SLC24A2: variants seen among roughly 807,000 people sequenced by gnomAD.
The protein encoded by SLC24A2 is solute carrier family 24 member 2.
A neutral mutation model predicts 62.0 loss-of-function variants in SLC24A2; 36 were observed. The observed-to-expected ratio is 0.58, with a 90% CI of 0.44 to 0.77. SLC24A2 has a LOEUF of 0.77. Among genes scored for constraint, SLC24A2 ranks in the 30% least tolerant of loss-of-function variants. The probability of loss-of-function intolerance (pLI) is 0.00; values close to 1 mark genes in which losing one functional copy is unlikely to be tolerated. For synonymous variants in SLC24A2, 358 were observed against 294.0 expected (o/e 1.22, Z -2.23); for missense variants, 846 against 817.9 (o/e 1.03, Z -0.42).
At chr9:20,296,229 C>T in the SLC24A2 span, among the ~76,000 whole-genome samples, 17 of 152,310 alleles carry the variant, frequency 1.1e-4, no homozygotes, top group African/African-American at 3.6e-4. Context: ...AAAAGTGCAG[C>T]GAGTGTTTCC....
At chr9:19,898,741 C>CAAAA in the SLC24A2 span, among the ~76,000 whole-genome samples, 38 of 97,248 alleles carry the variant, frequency 3.9e-4, no homozygotes, top group African/African-American at 1.0e-3. Context: ...GACTCCATCT[C>CAAAA]AAAAAAAAAA....
rs551657877 is a variant in SLC24A2, at chr9:19,697,830, A to T, written c.931-75531T>A. On this transcript the variant is annotated intron_variant, in intron 2 of 10. Transcript: ENST00000341998. ...GTTTCGGAAACTGAAATAACTTTAC[A>T]TTTTTTTGATATGGTGGCAAAGTTC... Among the ~76,000 whole-genome samples, 148 of 152,188 alleles carry T rather than the reference A, an allele frequency of 9.7e-4. 1 individual carries two copies. Among genetic ancestry groups the T allele is most frequent in the African/African-American group, 3.4e-3 (140 of 41,552 alleles).
chr9:19,991,041 CATACAT>C, the SLC24A2 span, among the ~76,000 whole-genome samples: 13 of 69,430 alleles, frequency 1.9e-4, no homozygotes, highest in Admixed American at 9.5e-4. Context: ...TACACACATA[CATACAT>C]ACATACATAC....
chr9:19,706,827 A>C (rs1229973820), intron 2 of SLC24A2, among the ~76,000 whole-genome samples: 1 of 152,088 alleles, frequency 6.6e-6, no homozygotes, highest in African/African-American at 2.4e-5. Flanking sequence ...TTGACACCCT[A>C]ACATCACAAT....
At chr9:20,221,216 T>C in the SLC24A2 span, among the ~76,000 whole-genome samples, 2 of 151,534 alleles carry the variant, frequency 1.3e-5, no homozygotes, top group African/African-American at 4.9e-5. Context: ...GGGTGGGGGG[T>C]GCAATTTGAA....
the SLC24A2 span, among the ~76,000 whole-genome samples, chr9:20,181,348 C>T: frequency 2.0e-4 from 30 of 152,092 alleles, no homozygotes; most frequent in South Asian, 3.7e-3. Context: ...CCTGCTCTGG[C>T]GGAAACATAA....
At chr9:19,740,134 G>C (rs1054201414) in intron 2 of SLC24A2, among the ~76,000 whole-genome samples, 1 of 134,228 alleles carries the variant, frequency 7.5e-6, no homozygotes, top group Admixed American at 8.0e-5. Flanking sequence ...ACTGGTGAAG[G>C]TAAAATAGTA....
At chr9:20,045,216 C>T in the SLC24A2 span, among the ~76,000 whole-genome samples, 2 of 152,126 alleles carry the variant, frequency 1.3e-5, no homozygotes, top group Non-Finnish European at 2.9e-5. Context: ...AGGATGCTTG[C>T]AGCCTAGTGG....
chr9:19,519,188 G>T (rs780405546), intron 10 of SLC24A2, among the ~76,000 whole-genome samples: 2 of 152,116 alleles, frequency 1.3e-5, no homozygotes, highest in African/African-American at 2.4e-5. Flanking sequence ...TCTATGCCAG[G>T]CATAGATTGC....
chr9:19,817,309 T>A, the SLC24A2 span, among the ~76,000 whole-genome samples: 1 of 151,820 alleles, frequency 6.6e-6, no homozygotes, highest in Non-Finnish European at 1.5e-5. Context: ...GCCCATTTCA[T>A]ACTGTATCAT....
intron 2 of SLC24A2, among the ~76,000 whole-genome samples, chr9:19,704,534 T>C (rs181662683): frequency 2.0e-5 from 3 of 152,330 alleles, no homozygotes; most frequent in Admixed American, 2.0e-4. Flanking sequence ...AACATGCCTC[T>C]TTCAAAATAT....
At chr9:20,280,439 C>G in the SLC24A2 span, among the ~76,000 whole-genome samples, 1 of 152,170 alleles carries the variant, frequency 6.6e-6, no homozygotes, top group African/African-American at 2.4e-5. Flanking sequence ...GCAGCCAATA[C>G]AGCCCTAGAT....
the SLC24A2 span, among the ~76,000 whole-genome samples, chr9:20,234,227 G>A: frequency 6.6e-6 from 1 of 152,116 alleles, no homozygotes; most frequent in African/African-American, 2.4e-5. Context: ...TTCTCGAGGA[G>A]TATCTTTGTG....
At chr9:20,184,625 G>A in the SLC24A2 span, among the ~76,000 whole-genome samples, 71 of 152,256 alleles carry the variant, frequency 4.7e-4, no homozygotes, top group Non-Finnish European at 8.1e-4. Flanking sequence ...AGGTTGTGAA[G>A]GAAAGGAAGC....
At chr9:19,676,467 C>T (rs1819562856) in intron 2 of SLC24A2, among the ~76,000 whole-genome samples, 2 of 152,208 alleles carry the variant, frequency 1.3e-5, no homozygotes, top group Admixed American at 1.3e-4. Flanking sequence ...GAGCTGGGCT[C>T]TGTCCTGGCA....
chr9:20,038,255 T>G, the SLC24A2 span, among the ~76,000 whole-genome samples: 1 of 152,202 alleles, frequency 6.6e-6, no homozygotes, highest in Admixed American at 6.5e-5. Context: ...TTCAATTTCT[T>G]TGTCTGTTAA....
At chr9:19,553,137 T>A (rs977083659) in intron 7 of SLC24A2, among the ~76,000 whole-genome samples, 2 of 152,128 alleles carry the variant, frequency 1.3e-5, no homozygotes, top group Non-Finnish European at 2.9e-5. Context: ...TTAGGTGAAA[T>A]TATCTTTGCC....
At chr9:20,280,597 G>A in the SLC24A2 span, among the ~76,000 whole-genome samples, 198 of 152,280 alleles carry the variant, frequency 1.3e-3, no homozygotes, top group Non-Finnish European at 2.5e-3. Context: ...TGGGTTTATG[G>A]TTTCGTTTTT....
chr9:19,991,061 CATACATAT>C, the SLC24A2 span, among the ~76,000 whole-genome samples: 1 of 133,536 alleles, frequency 7.5e-6, no homozygotes, highest in Middle Eastern at 3.9e-3. Context: ...TACATACATA[CATACATAT>C]ATGAAAAGGA....
Sources: gnomAD v4.1 joint callset for allele counts (sites outside exome capture counted in the v4.1 genomes callset) on GRCh38, gnomAD v4.1.1 for gene constraint, MANE v1.5 for transcripts, NCBI Gene and HGNC (gene_info 2026-07-23, HGNC 2026-07-21) for gene names.